The following ST7 variants were observed in gnomAD, a reference collection of about 807,000 sequenced individuals.
The protein encoded by ST7 is suppression of tumorigenicity 7, also known as suppressor of tumorigenicity 7 protein.
Under a neutral mutation model 78.7 loss-of-function variants are expected in ST7, and 28 were observed. That is an observed-to-expected ratio of 0.36 (90% CI 0.26 to 0.49). The LOEUF (loss-of-function observed/expected upper bound fraction) is 0.49, where lower values mean the gene tolerates loss of function less well. ST7 is among the 20% of genes least tolerant of loss of function. The probability of loss-of-function intolerance (pLI) is 0.99; values close to 1 mark genes in which losing one functional copy is unlikely to be tolerated. For missense variants in ST7, 418 were observed against 696.0 expected (o/e 0.60, Z 4.49); for synonymous variants, 247 against 249.6 (o/e 0.99, Z 0.10).
chr7:117,129,660 A>G, intron 3 of ST7, 133 bp from the exon 4 acceptor site: 1 of 733,196 alleles, frequency 1.4e-6, no homozygotes. Context: ...GAGTTTTTCC[A>G]CATTGCTTCC....
At chr7:116,991,381 C>T (rs1244896440) in intron 1 of ST7, among the ~76,000 whole-genome samples, 1 of 152,130 alleles carries the variant, frequency 6.6e-6, no homozygotes, top group African/African-American at 2.4e-5. Context: ...ATTGGACTTA[C>T]AGTTCCTCAT....
chr7:117,041,399 A>G (rs1362008466), intron 1 of ST7, among the ~76,000 whole-genome samples: 1 of 152,186 alleles, frequency 6.6e-6, no homozygotes, highest in Non-Finnish European at 1.5e-5. Context: ...CCAGAGCTAT[A>G]AGACAGTGGT....
intron 1 of ST7, chr7:117,020,452 T>C: frequency 1.3e-6 from 1 of 786,634 alleles, no homozygotes; most frequent in South Asian, 2.4e-5. Flanking sequence ...ATCTGGCAGC[T>C]GGACACAGCT....
chr7:117,019,835 G>A (rs932402293), intron 1 of ST7, among the ~76,000 whole-genome samples: 4 of 152,196 alleles, frequency 2.6e-5, no homozygotes, highest in African/African-American at 7.2e-5. Flanking sequence ...GCTTTGAGAA[G>A]ATAACAATGA....
intron 1 of ST7, among the ~76,000 whole-genome samples, chr7:116,980,850 A>G (rs1348520592): frequency 1.3e-5 from 2 of 152,244 alleles, no homozygotes; most frequent in Admixed American, 1.3e-4. Context: ...TAGATTTGTT[A>G]ATCAGAAATT....
At chr7:117,042,030 A>C (rs114872841) in intron 1 of ST7, among the ~76,000 whole-genome samples, 1,566 of 152,346 alleles carry the variant, frequency 0.01, 36 homozygotes, top group African/African-American at 0.036. Context: ...CCACAAGCCA[A>C]GGAATGTGGA....
chr7:117,079,355 T>TA (rs1266380484), intron 1 of ST7, among the ~76,000 whole-genome samples: 2 of 152,210 alleles, frequency 1.3e-5, no homozygotes, highest in Non-Finnish European at 2.9e-5. Flanking sequence ...CTAGAACCAG[T>TA]CCTCCATGGG....
At chr7:117,005,665 T>C (rs1795125388) in intron 1 of ST7, among the ~76,000 whole-genome samples, 1 of 152,162 alleles carries the variant, frequency 6.6e-6, no homozygotes, top group South Asian at 2.1e-4. Context: ...TGTAGTATGC[T>C]GAATTCCCAG....
intron 1 of ST7, among the ~76,000 whole-genome samples, chr7:117,014,565 A>G (rs1795522537): frequency 6.6e-6 from 1 of 152,244 alleles, no homozygotes; most frequent in Admixed American, 6.5e-5. Context: ...TAATGACAAA[A>G]TTGAGACAAA....
intron 1 of ST7, chr7:116,967,190 A>C (rs1205642544): frequency 2.9e-6 from 1 of 348,624 alleles, no homozygotes; most frequent in African/African-American, 2.1e-5. Flanking sequence ...ATGTTCTCCT[A>C]GATGTGTAGG....
At chr7:117,174,480 T>C (rs978754644) in intron 10 of ST7, among the ~76,000 whole-genome samples, 1 of 152,140 alleles carries the variant, frequency 6.6e-6, no homozygotes, top group Non-Finnish European at 1.5e-5. Flanking sequence ...AGTAAAGCCA[T>C]GTAGATGTGA....
chr7:117,132,002 C>T, intron 6 of ST7, 42 bp downstream of exon 6: 1 of 1,562,332 alleles, frequency 6.4e-7, no homozygotes, highest in Non-Finnish European at 8.8e-7. Context: ...GAAATCTCAT[C>T]CTTTGCTGAA....
Position 117,196,624 on chromosome 7 carries a change from C to CT in ST7, c.1254+5715dup, listed in dbSNP as rs56133709. On this transcript the variant is annotated intron_variant, in intron 12 of 15. Transcript: ENST00000323984. ...TAAATCAGATAATCAGATTGTTGGG[C>CT]TTTTTTTTTTTTTTTTTTTTTTTTT... Among the ~76,000 whole-genome samples, 162 of 59,506 alleles carry CT rather than the reference C, an allele frequency of 2.7e-3. 11 individuals carry two copies. The highest frequency in any genetic ancestry group is 6.0e-3 in the African/African-American group (93 of 15,376). The allele number at this position is 59,506 out of a possible 152,430, so 39.0% of individuals were successfully genotyped here.
intron 1 of ST7, among the ~76,000 whole-genome samples, chr7:116,955,679 A>T (rs1226827533): frequency 6.6e-6 from 1 of 152,196 alleles, no homozygotes; most frequent in African/African-American, 2.4e-5. Flanking sequence ...TTAAATAATT[A>T]CCCATGTATA....
intron 9 of ST7, chr7:117,146,319 A>G (rs1010883380): frequency 6.6e-6 from 1 of 152,276 alleles, no homozygotes; most frequent in African/African-American, 2.4e-5. Flanking sequence ...AGGCAGCAGT[A>G]TGTCTGGAGT....
intron 1 of ST7, among the ~76,000 whole-genome samples, chr7:117,077,415 G>A (rs995304039): frequency 6.6e-6 from 1 of 152,124 alleles, no homozygotes; most frequent in Non-Finnish European, 1.5e-5. Context: ...AATTCTCAGT[G>A]ATTTATAAAT....
At chr7:117,228,408 C>T (rs1478067014) in intron 15 of ST7, among the ~76,000 whole-genome samples, 2 of 152,228 alleles carry the variant, frequency 1.3e-5, no homozygotes, top group African/African-American at 4.8e-5. Context: ...TCACCCAGCA[C>T]TTAAGTGCCT....
intron 1 of ST7, 111 bp downstream of exon 1, chr7:116,953,802 C>A: frequency 1.3e-6 from 1 of 761,062 alleles, no homozygotes; most frequent in Non-Finnish European, 1.6e-6. Flanking sequence ...CGCCGGGGCC[C>A]GCGCACCGGA....
At chr7:116,967,202 C>A in intron 1 of ST7, 1 of 396,656 alleles carries the variant, frequency 2.5e-6, no homozygotes, top group Non-Finnish European at 5.5e-6. Context: ...ATGTGTAGGA[C>A]GAAGGCTATA....
Sources: allele counts gnomAD v4.1 joint callset (sites outside exome capture counted in the v4.1 genomes callset), GRCh38; gene constraint gnomAD v4.1.1; transcripts MANE v1.5; gene names NCBI Gene and HGNC (gene_info 2026-07-23, HGNC 2026-07-21).